Variants in ADCK1 observed in about 807,000 individuals in gnomAD.
ADCK1 encodes aarF domain containing kinase 1, also known as aarF domain-containing protein kinase 1.
In ADCK1, 41 loss-of-function variants were observed where a neutral mutation model predicts 52.3. The ratio of observed to expected loss-of-function variants is 0.78; its 90% CI spans 0.61 to 1.02. ADCK1 has a LOEUF of 1.02. Ranked by LOEUF, ADCK1 falls within the 50% of genes least tolerant of loss-of-function variation. The probability of loss-of-function intolerance (pLI) is 0.00; values close to 1 mark genes in which losing one functional copy is unlikely to be tolerated. For missense variants in ADCK1, 658 were observed against 679.5 expected (o/e 0.97, Z 0.35); for synonymous variants, 250 against 274.6 (o/e 0.91, Z 0.89).
intron 3 of ADCK1, among the ~76,000 whole-genome samples, chr14:77,834,248 T>A (rs1487176815): frequency 6.6e-6 from 1 of 151,744 alleles, no homozygotes; most frequent in Admixed American, 6.6e-5. Flanking sequence ...GGTTTGATTT[T>A]CTCTCTCTCT....
intron 3 of ADCK1, among the ~76,000 whole-genome samples, chr14:77,829,325 C>T (rs1291866899): frequency 2.0e-5 from 3 of 150,162 alleles, no homozygotes; most frequent in Non-Finnish European, 4.5e-5. Flanking sequence ...ATGGTCTTGC[C>T]CTGTCACGAC....
intron 5 of ADCK1, among the ~76,000 whole-genome samples, chr14:77,897,129 C>T (rs1215019777): frequency 2.0e-5 from 3 of 152,174 alleles, no homozygotes; most frequent in Non-Finnish European, 4.4e-5. Context: ...TACCAACAGG[C>T]CCACAGCTTG....
intron 3 of ADCK1, among the ~76,000 whole-genome samples, chr14:77,832,254 A>AT (rs1178183601): frequency 6.6e-6 from 1 of 152,180 alleles, no homozygotes; most frequent in Non-Finnish European, 1.5e-5. Flanking sequence ...AAGTGCTGGG[A>AT]TTATAGGCGT....
At chr14:77,886,871 C>A (rs2083159115) in intron 4 of ADCK1, among the ~76,000 whole-genome samples, 1 of 151,948 alleles carries the variant, frequency 6.6e-6, no homozygotes, top group South Asian at 2.1e-4. Context: ...CATGCCACTG[C>A]ACTCCAGCCT....
chr14:77,833,593 G>A (rs2081902354), intron 3 of ADCK1, among the ~76,000 whole-genome samples: 1 of 152,114 alleles, frequency 6.6e-6, no homozygotes, highest in African/African-American at 2.4e-5. Flanking sequence ...ATACTGCATC[G>A]AAATCTGTGC....
At chr14:77,842,458 T>C (rs2082091817) in intron 3 of ADCK1, among the ~76,000 whole-genome samples, 1 of 46,478 alleles carries the variant, frequency 2.2e-5, no homozygotes, top group African/African-American at 4.7e-5. Flanking sequence ...TTTCCTTCCT[T>C]CCTTCCTTCC....
intron 8 of ADCK1, 89 bp downstream of exon 8, chr14:77,924,695 T>G (rs1373957961): frequency 2.0e-5 from 30 of 1,504,414 alleles, no homozygotes; most frequent in African/African-American, 2.7e-5. Context: ...GGGAGGGAGA[T>G]AGCGAGGGTA....
intron 7 of ADCK1, among the ~76,000 whole-genome samples, chr14:77,913,068 A>G (rs1379074880): frequency 6.6e-6 from 1 of 152,184 alleles, no homozygotes; most frequent in Non-Finnish European, 1.5e-5. Context: ...TTCACCAACC[A>G]TCTCTTTTAG....
At chr14:77,844,413 GA>G (rs925840139) in intron 3 of ADCK1, among the ~76,000 whole-genome samples, 31 of 152,110 alleles carry the variant, frequency 2.0e-4, no homozygotes, top group African/African-American at 6.8e-4. Flanking sequence ...CACCTCTAGG[GA>G]AGATTCTTAT....
chr14:77,909,297 G>A (rs560734746), intron 7 of ADCK1, among the ~76,000 whole-genome samples: 6 of 152,094 alleles, frequency 3.9e-5, no homozygotes, highest in Admixed American at 1.3e-4. Context: ...TACCATGCCT[G>A]GCTAATTTTG....
intron 1 of ADCK1, among the ~76,000 whole-genome samples, chr14:77,814,543 C>T (rs375530212): frequency 2.0e-5 from 3 of 151,524 alleles, no homozygotes; most frequent in Admixed American, 6.6e-5. Context: ...GGAGACCAGC[C>T]TGAGCAAATG....
intron 5 of ADCK1, among the ~76,000 whole-genome samples, chr14:77,893,320 G>A (rs1251577520): frequency 6.6e-6 from 1 of 152,090 alleles, no homozygotes; most frequent in Non-Finnish European, 1.5e-5. Flanking sequence ...ATATTGGGGA[G>A]CTTAGCGGGC....
intron 3 of ADCK1, among the ~76,000 whole-genome samples, chr14:77,836,769 CTTTCTT>C (rs1217931813): frequency 1.3e-5 from 1 of 75,276 alleles, no homozygotes. Flanking sequence ...TTCTTTCTTT[CTTTCTT>C]TTTTTTTTTT....
At chr14:77,812,089 A>G (rs921976391) in intron 1 of ADCK1, among the ~76,000 whole-genome samples, 5 of 152,198 alleles carry the variant, frequency 3.3e-5, no homozygotes, top group Admixed American at 2.0e-4. Context: ...TACCACAATC[A>G]ATCAACATAT....
At chr14:77,857,718 G>A (rs1238531388) in intron 3 of ADCK1, among the ~76,000 whole-genome samples, 2 of 152,144 alleles carry the variant, frequency 1.3e-5, no homozygotes, top group African/African-American at 4.8e-5. Flanking sequence ...CACCTTTGTT[G>A]TCAACTGTTA....
intron 4 of ADCK1, among the ~76,000 whole-genome samples, chr14:77,863,222 A>G (rs2082589399): frequency 6.6e-6 from 1 of 152,166 alleles, no homozygotes; most frequent in Non-Finnish European, 1.5e-5. Context: ...AAGGACGAAG[A>G]GACTGAGATA....
chr14:77,815,863 T>C (rs922784356), intron 1 of ADCK1, among the ~76,000 whole-genome samples: 1 of 146,958 alleles, frequency 6.8e-6, no homozygotes, highest in Non-Finnish European at 1.5e-5. Context: ...TTGCCCAAGC[T>C]GGAGTGCAGT....
chr14:77,852,679 A>T (rs1456084218), intron 3 of ADCK1, among the ~76,000 whole-genome samples: 8 of 71,914 alleles, frequency 1.1e-4, no homozygotes, highest in South Asian at 4.7e-4. Context: ...ATATATATAT[A>T]TATATATATA....
chr14:77,924,399 G>C (rs2084134318), intron 7 of ADCK1, 58 bp from the exon 8 acceptor site: 3 of 1,593,116 alleles, frequency 1.9e-6, no homozygotes. Context: ...ACCAGACAGA[G>C]GTCCCTCGGA....
Sources: gnomAD v4.1 joint callset for allele counts (sites outside exome capture counted in the v4.1 genomes callset) on GRCh38, gnomAD v4.1.1 for gene constraint, MANE v1.5 for transcripts, NCBI Gene and HGNC (gene_info 2026-07-23, HGNC 2026-07-21) for gene names.